ITGA11: variants seen among roughly 807,000 people sequenced by gnomAD.
ITGA11 encodes integrin subunit alpha 11.
In ITGA11, 97 loss-of-function variants were observed where a neutral mutation model predicts 141.9. The observed-to-expected ratio is 0.68, with a 90% CI of 0.58 to 0.81. The LOEUF is 0.81. ITGA11 is among the 30% of genes least tolerant of loss of function. The pLI is 0.00. For missense variants in ITGA11, 1,387 were observed against 1,559.2 expected (o/e 0.89, Z 1.86); for synonymous variants, 658 against 624.6 (o/e 1.05, Z -0.80).
chr15:68,315,729 T>G lies in ITGA11; in HGVS notation c.2716-2A>C, dbSNP rs778882346. On this transcript the variant is annotated splice_acceptor_variant, in intron 21 of 29. Coordinates refer to ENST00000315757, the MANE Select transcript of ITGA11 (RefSeq NM_001004439.2). LOFTEE classifies it high-confidence loss of function. Reference sequence around the variant, plus strand: ...CTCAAAATCAAGACGGAAAGCCACCTGCAAGGAAGCAGTCGCATGTCTGGG... The same window carrying G: ...CTCAAAATCAAGACGGAAAGCCACCGGCAAGGAAGCAGTCGCATGTCTGGG... 1 of 1,609,402 alleles carries G rather than the reference T, an allele frequency of 6.2e-7. No individual in the cohort carries two copies. Among genetic ancestry groups the G allele is most frequent in the Non-Finnish European group, 8.5e-7 (1 of 1,177,618 alleles).
At chr15:68,394,719 A>C (rs1213989261) in intron 2 of ITGA11, among the ~76,000 whole-genome samples, 1 of 152,148 alleles carries the variant, frequency 6.6e-6, no homozygotes, top group Non-Finnish European at 1.5e-5. Context: ...GGACAACACA[A>C]ATTACCAAAA....
Position 68,378,464 on chromosome 15 carries a change from G to A in ITGA11, c.165-9180C>T, listed in dbSNP as rs191871716. Among the ~76,000 whole-genome samples, 201 of 152,118 alleles carry A rather than the reference G, an allele frequency of 1.3e-3. 1 individual carries two copies. Among genetic ancestry groups the A allele is most frequent in the African/African-American group, 4.7e-3 (194 of 41,456 alleles). ...GTTCAAGAGCAGCCTGGGCAACATA[G>A]CAAGACCCCATCTATAAAAAAATAA... On this transcript the variant is annotated intron_variant, in intron 2 of 29. Transcript: ENST00000315757.
At chr15:68,388,745 T>C (rs1367766016) in intron 2 of ITGA11, among the ~76,000 whole-genome samples, 1 of 152,112 alleles carries the variant, frequency 6.6e-6, no homozygotes, top group Non-Finnish European at 1.5e-5. Flanking sequence ...CCCACTTGAC[T>C]CCTCACCTCC....
At chr15:68,411,173 C>T (rs1285118656) in intron 1 of ITGA11, among the ~76,000 whole-genome samples, 1 of 152,184 alleles carries the variant, frequency 6.6e-6, no homozygotes, top group Non-Finnish European at 1.5e-5. Context: ...CAATCTTCTC[C>T]CCATCTAAGA....
At position 68,328,811 on chromosome 15, in the gene ITGA11, G is replaced by A. The variant is rs1894064503; in HGVS notation, c.1902-549C>T. The stretch of plus-strand genomic sequence containing the variant: ...CATTTCTAACAAGATCCCAGGTGAT[G>A]TGAACGTTCCATGGACCACACTTCG... On this transcript the variant is annotated intron_variant, in intron 15 of 29. Transcript: ENST00000315757. The surrounding 1 kb of genome is among the most constrained non-coding windows in gnomAD (Gnocchi z 4.8). Among the ~76,000 whole-genome samples the A allele has an allele frequency of 6.6e-6, 1 of 152,190 alleles. No homozygotes were observed.
rs558725941 is a variant in ITGA11 at position 68,342,475 on chromosome 15, T to C, written c.1132-2831A>G. 4.6e-5 allele frequency among the ~76,000 whole-genome samples: 7 copies of C among 152,328 alleles called. No individual in the cohort carries two copies. The South Asian group carries it at 1.0e-3, about 23-fold the overall frequency. On this transcript the variant is annotated intron_variant, in intron 10 of 29. Coordinates refer to ENST00000315757, the MANE Select transcript of ITGA11 (RefSeq NM_001004439.2). ...CCACGCTGTGCCTTCCCAAAGGACGTTGTAGCCCTAGCACCTGCAGTGTGT... is the reference window on the plus strand; with the variant it reads ...CCACGCTGTGCCTTCCCAAAGGACGCTGTAGCCCTAGCACCTGCAGTGTGT...
intron 2 of ITGA11, among the ~76,000 whole-genome samples, chr15:68,384,043 G>C (rs1417563610): frequency 6.6e-6 from 1 of 152,040 alleles, no homozygotes; most frequent in East Asian, 1.9e-4. Flanking sequence ...TACCGAGATT[G>C]TGCGTCTTAC....
intron 4 of ITGA11, among the ~76,000 whole-genome samples, chr15:68,363,981 C>G (rs1192905987): frequency 2.0e-5 from 3 of 152,224 alleles, no homozygotes; most frequent in Non-Finnish European, 4.4e-5. Flanking sequence ...TAAGCTCCAG[C>G]AGGACAGGGT....
intron 3 of ITGA11, 51 bp downstream of exon 3, chr15:68,369,133 G>A (rs1650171171): frequency 7.5e-7 from 1 of 1,336,324 alleles, no homozygotes; most frequent in South Asian, 1.2e-5. Context: ...AGCCTGCCTT[G>A]TGTTAGACAA....
At chr15:68,431,798 A>G (rs1897275730) in intron 1 of ITGA11, among the ~76,000 whole-genome samples, 1 of 152,230 alleles carries the variant, frequency 6.6e-6, no homozygotes. Context: ...CACACCAAAG[A>G]GTCCCGGCTT....
chr15:68,402,921 T>C lies in ITGA11; in HGVS notation c.161A>G (p.Lys54Arg), dbSNP rs1414304662. 6.2e-7 allele frequency: 1 copy of C among 1,611,350 alleles called. No individual in the cohort carries two copies. ...TVQQHDISGN[K>R]WLVVGAPLET... Reference sequence around the variant, plus strand: ...GTGGGCGGCCGCTCTCACTCACCACTTATTGCCACTGATGTCGTGCTGCTG... The same window carrying C: ...GTGGGCGGCCGCTCTCACTCACCACCTATTGCCACTGATGTCGTGCTGCTG... Residue 54 changes from lysine (K) to arginine (R), a missense_variant, in exon 2 of 30, where the codon AAG (lysine) becomes AGG (arginine). Physicochemically the swap from Lys to Arg is conservative, Grantham distance 26 (BLOSUM62 2). Transcript: ENST00000315757.
chr15:68,310,069 C>T (rs961190248), intron 26 of ITGA11, among the ~76,000 whole-genome samples: 1 of 152,292 alleles, frequency 6.6e-6, no homozygotes, highest in East Asian at 1.9e-4. Context: ...GGGCAATGAT[C>T]ATATTTAACA....
At position 68,322,799 on chromosome 15, in the gene ITGA11, A is replaced by C. The variant is rs1351086214; in HGVS notation, c.2323-1296T>G. Among the ~76,000 whole-genome samples, 1 of 151,722 alleles carries C rather than the reference A, an allele frequency of 6.6e-6. No individual in the cohort carries two copies. Among genetic ancestry groups the C allele is most frequent in the Non-Finnish European group, 1.5e-5 (1 of 67,944 alleles). On this transcript the variant is annotated intron_variant, in intron 18 of 29. Coordinates refer to ENST00000315757, the MANE Select transcript of ITGA11 (RefSeq NM_001004439.2). This position sits in a 1 kb window ranked among gnomAD's most constrained non-coding sequence, Gnocchi z 5.6. ...TTGCTTGAACTCAGGCAGAGGCTGC[A>C]GTGGGCCAAGATCGTGCCACTACAC...
intron 12 of ITGA11, among the ~76,000 whole-genome samples, chr15:68,334,349 G>C (rs1343525445): frequency 6.6e-6 from 1 of 152,186 alleles, no homozygotes; most frequent in East Asian, 1.9e-4. Flanking sequence ...ATTTTCAAGG[G>C]AAGGAACCAA....
intron 7 of ITGA11, among the ~76,000 whole-genome samples, chr15:68,353,220 C>A (rs567541020): frequency 6.6e-6 from 1 of 152,334 alleles, no homozygotes; most frequent in Non-Finnish European, 1.5e-5. Flanking sequence ...TTTAGAACAT[C>A]TTCAAACTAC....
At position 68,298,508 on chromosome 15, in the gene ITGA11, C is replaced by G. The variant is rs1274783068; in HGVS notation, c.*4551G>C. On this transcript the variant is annotated 3_prime_UTR_variant, in exon 30 of 30. Transcript: ENST00000315757. ...GGGCATGGTGGTGCATGTCTGTAGT[C>G]CCAGCTACTCAAGAGGCTGAGGTGG... The G allele has an allele frequency of 6.6e-6, 1 of 152,088 alleles. No individual in the cohort carries two copies. Among genetic ancestry groups the G allele is most frequent in the African/African-American group, 2.4e-5 (1 of 41,384 alleles). 9.4% of individuals were successfully genotyped at this position (152,088 alleles called of 1,614,324 possible).
intron 1 of ITGA11, among the ~76,000 whole-genome samples, chr15:68,406,625 G>A (rs1171234093): frequency 6.6e-6 from 1 of 152,138 alleles, no homozygotes; most frequent in East Asian, 1.9e-4. Context: ...ATTGTCACAT[G>A]GCTGATATTT....
intron 1 of ITGA11, among the ~76,000 whole-genome samples, chr15:68,409,451 C>G (rs2140421833): frequency 6.6e-6 from 1 of 152,034 alleles, no homozygotes; most frequent in East Asian, 1.9e-4. Flanking sequence ...AGTTTACCTC[C>G]TAGCTCCCTG....
intron 9 of ITGA11, among the ~76,000 whole-genome samples, chr15:68,349,584 G>A (rs1333344955): frequency 6.6e-6 from 1 of 152,188 alleles, no homozygotes; most frequent in Non-Finnish European, 1.5e-5. Flanking sequence ...GGCCATTTTA[G>A]TCTCTTCGTG....
Sources: allele counts gnomAD v4.1 joint callset (sites outside exome capture counted in the v4.1 genomes callset), GRCh38; gene constraint gnomAD v4.1.1; non-coding constraint Gnocchi (gnomAD v3.1); transcripts MANE v1.5; gene names NCBI Gene and HGNC (gene_info 2026-07-23, HGNC 2026-07-21).